Variants in LRP1B observed in about 807,000 individuals in gnomAD.
The protein encoded by LRP1B is LDL receptor related protein 1B.
In LRP1B, 217 loss-of-function variants were observed where a neutral mutation model predicts 556.6. The observed-to-expected ratio is 0.39, with a 90% CI of 0.35 to 0.44. The LOEUF (loss-of-function observed/expected upper bound fraction) is 0.44. Ranked by LOEUF, LRP1B falls within the 20% of genes least tolerant of loss-of-function variation. The probability of loss-of-function intolerance (pLI) is 1.00; values close to 1 mark genes in which losing one functional copy is unlikely to be tolerated. For missense variants in LRP1B, 5,053 were observed against 5,620.8 expected, an observed-to-expected ratio of 0.90 and a Z score of 3.23; for synonymous variants, 2,047 against 1,865.8, an observed-to-expected ratio of 1.10 and a Z score of -2.50.
At chr2:141,009,051 A>T (rs947008531) in intron 14 of LRP1B, among the ~76,000 whole-genome samples, 1 of 151,954 alleles carries the variant, frequency 6.6e-6, no homozygotes, top group Non-Finnish European at 1.5e-5. Context: ...CCTTAATCTG[A>T]ATTTTCTTCA....
rs1479409686 is a variant in LRP1B at position 141,911,144 on chromosome 2, A to C, written c.83-100743T>G. 6.6e-5 allele frequency among the ~76,000 whole-genome samples: 10 copies of C among 152,094 alleles called. No individual in the cohort carries two copies. In the East Asian group the frequency reaches 1.9e-3, roughly 29 times the overall value. On this transcript the variant is annotated intron_variant, in intron 1 of 90. Coordinates refer to ENST00000389484, the MANE Select transcript of LRP1B (RefSeq NM_018557.3). ...GTATTCAAATTGTGTTTATATATTT[A>C]TGCTTACTGTTCATTACAGATAGAT...
chr2:141,927,130 T>C (rs1224037319), intron 1 of LRP1B, among the ~76,000 whole-genome samples: 1 of 152,138 alleles, frequency 6.6e-6, no homozygotes. Context: ...AATCAATGAA[T>C]ATCTGTTGAT....
chr2:141,122,702 A>G (rs1376157077), intron 7 of LRP1B, among the ~76,000 whole-genome samples: 3 of 152,168 alleles, frequency 2.0e-5, no homozygotes, highest in Non-Finnish European at 2.9e-5. Context: ...CGATTCCTCA[A>G]GGATCTAGAA....
chr2:140,645,168 C>T (rs975951603), intron 41 of LRP1B, among the ~76,000 whole-genome samples: 1 of 152,048 alleles, frequency 6.6e-6, no homozygotes, highest in Non-Finnish European at 1.5e-5. Flanking sequence ...TTCTTCAATG[C>T]CCATTTCATT....
chr2:140,817,605 T>C (rs1691169741), intron 31 of LRP1B, among the ~76,000 whole-genome samples: 1 of 151,900 alleles, frequency 6.6e-6, no homozygotes, highest in Non-Finnish European at 1.5e-5. Flanking sequence ...AAACTAAATA[T>C]TTTTAAAATA....
chr2:140,938,940 C>T (rs965699331), intron 20 of LRP1B, among the ~76,000 whole-genome samples: 2 of 151,924 alleles, frequency 1.3e-5, no homozygotes, highest in African/African-American at 4.8e-5. Flanking sequence ...TGGAAGACAG[C>T]CTGTCAGTTT....
chr2:140,393,254 T>G (rs1384032534), intron 66 of LRP1B, among the ~76,000 whole-genome samples: 1 of 152,078 alleles, frequency 6.6e-6, no homozygotes, highest in African/African-American at 2.4e-5. Flanking sequence ...CTGTTGTGTA[T>G]ATATGTAATT....
At chr2:140,495,877 C>A in intron 55 of LRP1B, 129 bp from the exon 56 acceptor site, 1 of 679,156 alleles carries the variant, frequency 1.5e-6, no homozygotes, top group Non-Finnish European at 2.4e-6. Flanking sequence ...TGTCTCCCAG[C>A]ATTTGACCTT....
chr2:140,911,944 G>T (rs1401547268), intron 21 of LRP1B, among the ~76,000 whole-genome samples: 2 of 151,666 alleles, frequency 1.3e-5, no homozygotes, highest in South Asian at 2.1e-4. Context: ...CATAAATACT[G>T]CTTGGAAAAG....
At chr2:142,097,191 A>C (rs183070265) in intron 1 of LRP1B, among the ~76,000 whole-genome samples, 3 of 151,834 alleles carry the variant, frequency 2.0e-5, no homozygotes, top group Non-Finnish European at 4.4e-5. Flanking sequence ...GCATAACATC[A>C]AAAATTACCT....
At chr2:140,398,943 T>C (rs1573891172) in intron 66 of LRP1B, among the ~76,000 whole-genome samples, 3 of 152,306 alleles carry the variant, frequency 2.0e-5, no homozygotes, top group South Asian at 4.1e-4. Flanking sequence ...TTTAAAAATA[T>C]GTTTTTCTTA....
intron 2 of LRP1B, among the ~76,000 whole-genome samples, chr2:141,486,328 T>C (rs1362618268): frequency 6.6e-6 from 1 of 152,180 alleles, no homozygotes; most frequent in Non-Finnish European, 1.5e-5. Flanking sequence ...CCCAGGATAA[T>C]GCAAGGATAA....
intron 1 of LRP1B, among the ~76,000 whole-genome samples, chr2:142,117,752 CCTGGGCCCACAATCA>C: frequency 6.6e-6 from 1 of 152,168 alleles, no homozygotes; most frequent in Non-Finnish European, 1.5e-5. Flanking sequence ...GGCCTGTAAC[CCTGGGCCCACAATCA>C]CTCAAGGCCA....
chr2:140,476,252 C>G (rs971375124), intron 59 of LRP1B, among the ~76,000 whole-genome samples: 2 of 151,926 alleles, frequency 1.3e-5, no homozygotes, highest in African/African-American at 4.8e-5. Flanking sequence ...GTTACAGGAT[C>G]TTTAAAGTTA....
chr2:140,659,494 T>G (rs995327947), intron 41 of LRP1B, among the ~76,000 whole-genome samples: 12 of 152,022 alleles, frequency 7.9e-5, no homozygotes, highest in Admixed American at 5.2e-4. Flanking sequence ...TGTTAATGTT[T>G]AACAGTTACC....
At chr2:141,319,367 C>T (rs1687153792) in intron 3 of LRP1B, among the ~76,000 whole-genome samples, 1 of 140,396 alleles carries the variant, frequency 7.1e-6, no homozygotes, top group Non-Finnish European at 1.5e-5. Context: ...GTCCAAGCAG[C>T]ATCTGTAATT....
In LRP1B at chr2:140,950,390, C is replaced by T. The variant is rs181034602; in HGVS notation, c.2981G>A (p.Gly994Glu). The part of the protein sequence containing the change: ...KWHCDSDDDC[G>E]DGSDEVGCVH... ...ACAGCCCACCTCATCACTCCCGTCC[C>T]CACAGTCGTCATCTGGAAAGAAACA... The change falls in exon 20 of 91, where the codon GGG (glycine) becomes GAG (glutamate). Residue 994 changes from glycine (G) to glutamate (E), a missense_variant. This residue lies in a region of LRP1B where 3,619 missense variants were observed against 3,931.9 expected (regional missense o/e 0.92). Coordinates refer to ENST00000389484, the MANE Select transcript of LRP1B (RefSeq NM_018557.3). The T allele has an allele frequency of 1.9e-6, 3 of 1,601,246 alleles. No homozygotes were observed. The highest frequency in any genetic ancestry group is 2.3e-5 in the East Asian group (1 of 44,370).
At chr2:141,068,457 G>A (rs1558838003) in intron 7 of LRP1B, among the ~76,000 whole-genome samples, 2 of 150,966 alleles carry the variant, frequency 1.3e-5, no homozygotes, top group South Asian at 4.2e-4. Flanking sequence ...TTTGCATAGT[G>A]CAAGAGAAAG....
At chr2:140,931,665 G>A (rs1256831374) in intron 20 of LRP1B, among the ~76,000 whole-genome samples, 1 of 152,112 alleles carries the variant, frequency 6.6e-6, no homozygotes, top group Non-Finnish European at 1.5e-5. Context: ...AGAGTTCTAA[G>A]TATCACCCAA....
Sources: allele counts gnomAD v4.1 joint callset (sites outside exome capture counted in the v4.1 genomes callset), GRCh38; gene constraint gnomAD v4.1.1; regional missense constraint gnomAD v4.1.1; transcripts MANE v1.5; gene names NCBI Gene and HGNC (gene_info 2026-07-23, HGNC 2026-07-21).